The following TNS2 variants were observed in gnomAD, a reference collection of about 807,000 sequenced individuals.
TNS2 encodes tensin 2.
In TNS2, 77 loss-of-function variants were observed where a neutral mutation model predicts 155.7. The ratio of observed to expected loss-of-function variants is 0.49; its 90% confidence interval spans 0.41 to 0.60. The LOEUF is 0.60. Ranked by LOEUF, TNS2 falls within the 20% of genes least tolerant of loss-of-function variation. The pLI is 0.00. For synonymous variants in TNS2, 726 were observed against 763.9 expected, an observed-to-expected ratio of 0.95 and a Z score of 0.82; for missense variants, 1,703 against 1,868.8, an observed-to-expected ratio of 0.91 and a Z score of 1.64.
intron 22 of TNS2, 37 bp downstream of exon 22, chr12:53,061,977 AGTT>A: frequency 6.2e-7 from 1 of 1,608,990 alleles, no homozygotes; most frequent in South Asian, 1.1e-5. Flanking sequence ...GTGGGGATGA[AGTT>A]GGGGGTGGTG....
At chr12:53,058,876 CTG>C (rs1223312408) in intron 17 of TNS2, 49 bp downstream of exon 17, 2 of 1,598,808 alleles carry the variant, frequency 1.3e-6, no homozygotes, top group Non-Finnish European at 1.7e-6. Context: ...TGGCGGGACC[CTG>C]GGGGGTGGTG....
chr12:53,064,071 G>A lies in TNS2; in HGVS notation c.*189G>A. 3.1e-6 allele frequency: 2 copies of A among 643,878 alleles called. No homozygotes were observed. Among genetic ancestry groups the A allele is most frequent in the African/African-American group, 1.8e-5 (1 of 54,834 alleles). 39.9% of individuals were successfully genotyped at this position (643,878 alleles called of 1,614,324 possible). A position where few individuals can be genotyped will look rare whatever the true frequency, so the allele number is the denominator to read the frequency against. On this transcript the variant is annotated 3_prime_UTR_variant, in exon 29 of 29. Coordinates refer to ENST00000314250, the MANE Select transcript of TNS2 (RefSeq NM_170754.4). ...CCAGCCTGCTAAGTTAAGTGGACAG[G>A]CCCACAAGATGACCTTGCATGTGAG...
chr12:53,060,809 C>T lies in TNS2; in HGVS notation c.2903C>T (p.Pro968Leu), dbSNP rs889165245. 2 of 1,611,592 alleles carry T rather than the reference C, an allele frequency of 1.2e-6. No individual in the cohort carries two copies. The highest frequency in any genetic ancestry group is 1.7e-6 in the Non-Finnish European group (2 of 1,178,670). The change falls in exon 20 of 29, where the codon CCT (proline) becomes CTT (leucine). Residue 968 changes from proline (P) to leucine (L), a missense_variant. Physicochemically the swap from Pro to Leu is moderately conservative, Grantham distance 98. Coordinates refer to ENST00000314250, the MANE Select transcript of TNS2 (RefSeq NM_170754.4). This position sits in a 1 kb window ranked among gnomAD's most constrained non-coding sequence, Gnocchi z 6.1. ...PELPSGSGPE[P>L]LAPSPVSPTF... The stretch of plus-strand genomic sequence containing the variant: ...CTGCCGTCGGGAAGTGGGCCTGAGC[C>T]TCTGGCCCCTAGCCCAGTCTCTCCG...
At chr12:53,053,235 TG>T (rs142316251) in intron 3 of TNS2, 175 bp from the exon 4 acceptor site, 9,532 of 616,740 alleles carry the variant, frequency 0.015, 420 homozygotes, top group East Asian at 0.15. Flanking sequence ...GCCTGGGGGG[TG>T]GGGGACCAAG....
At chr12:53,057,186 A>C in intron 11 of TNS2, 90 bp downstream of exon 11, 1 of 1,370,658 alleles carries the variant, frequency 7.3e-7, no homozygotes, top group South Asian at 1.2e-5. Context: ...GCACACTTTC[A>C]CTGAGTGTGC....
intron 6 of TNS2, 28 bp downstream of exon 6, chr12:53,054,042 C>T: frequency 1.5e-5 from 25 of 1,613,878 alleles, no homozygotes; most frequent in Non-Finnish European, 2.1e-5. Flanking sequence ...GGTGGTCCCA[C>T]GTGACCCCCT....
chr12:53,059,594 A>G lies in TNS2; in HGVS notation c.1953A>G (p.Leu651=), dbSNP rs759621003. The change falls in exon 18 of 29, where the codon CTA becomes CTG. Residue 651 remains leucine, a synonymous_variant. Transcript: ENST00000314250. The surrounding 1 kb of genome is among the most constrained non-coding windows in gnomAD (Gnocchi z 4.7). ...TCTGCCGATCGCTGTCAGAGGGGCTATACCCCTACCCACCTGAGATGGGGA... is the reference window on the plus strand; with the variant it reads ...TCTGCCGATCGCTGTCAGAGGGGCTGTACCCCTACCCACCTGAGATGGGGA... ...RRLCRSLSEG[L]YPYPPEMGKP... is the part of the protein sequence containing the mutation. The G allele has an allele frequency of 2.5e-6, 4 of 1,610,922 alleles. No homozygotes were observed. The highest frequency in any genetic ancestry group is 2.2e-5 in the East Asian group (1 of 44,864).
chr12:53,063,557 C>T lies in TNS2; in HGVS notation c.4062-6C>T, dbSNP rs779234235. ...TGTGCATCTTCACCTTCTTCTCCTTCTGCAGATGGACCAACCCAGACGGGA... is the reference window on the plus strand; with the variant it reads ...TGTGCATCTTCACCTTCTTCTCCTTTTGCAGATGGACCAACCCAGACGGGA... On this transcript the variant is annotated splice_region_variant and splice_polypyrimidine_tract_variant and intron_variant, in intron 27 of 28. Transcript: ENST00000314250. The surrounding 1 kb of genome is among the most constrained non-coding windows in gnomAD (Gnocchi z 5.6). 5 of 1,609,184 alleles carry T rather than the reference C, an allele frequency of 3.1e-6. No individual in the cohort carries two copies. Among genetic ancestry groups the T allele is most frequent in the Middle Eastern group, 1.7e-4 (1 of 6,058 alleles).
intron 7 of TNS2, 46 bp downstream of exon 7, chr12:53,054,487 G>A: frequency 6.5e-7 from 1 of 1,529,750 alleles, no homozygotes; most frequent in Non-Finnish European, 8.8e-7. Context: ...AGGGATGTAG[G>A]GTCCAGATGG....
At chr12:53,049,913 C>T, upstream of TNS2, 1 of 741,416 alleles carries the variant, frequency 1.3e-6, no homozygotes, top group Non-Finnish European at 2.0e-6. Flanking sequence ...CAAAAGATCA[C>T]AGGCTGACAC....
At chr12:53,056,095 C>G (rs1170409945) in intron 10 of TNS2, 3 of 413,836 alleles carry the variant, frequency 7.2e-6, no homozygotes, top group Non-Finnish European at 1.3e-5. Context: ...TTGGCTCACG[C>G]CTGTAATACC....
rs1201838004 is a variant in TNS2 at position 53,063,491 on chromosome 12, AGCCCCG to A, written c.4062-60_4062-55del. The stretch of plus-strand genomic sequence containing the variant: ...GGTCCCAGCTCCCAGCCCCAGCCCC[AGCCCCG>A]GCCCCGGCCCCCCTTCAGCAGCTGT... On this transcript the variant is annotated intron_variant, in intron 27 of 28. Coordinates refer to ENST00000314250, the MANE Select transcript of TNS2 (RefSeq NM_170754.4). The surrounding 1 kb of genome is among the most constrained non-coding windows in gnomAD (Gnocchi z 5.6). 87 of 815,934 alleles carry A rather than the reference AGCCCCG, an allele frequency of 1.1e-4. No homozygotes were observed. In the African/African-American group the frequency reaches 1.4e-3, roughly 13 times the overall value. 50.5% of individuals were successfully genotyped at this position (815,934 alleles called of 1,614,324 possible).
upstream of TNS2, chr12:53,049,285 G>C: frequency 6.4e-7 from 1 of 1,570,824 alleles, no homozygotes; most frequent in Non-Finnish European, 8.7e-7. Flanking sequence ...CGGGGGGAGG[G>C]TGCAGCCCTT....
At position 53,062,247 on chromosome 12, in the gene TNS2, TG is replaced by T. The variant is rs1443710983; in HGVS notation, c.3667+3del. The stretch of plus-strand genomic sequence containing the variant: ...GCTGCCCCAGTGAGCCCTACTTTGG[TG>T]AGAAGCAGGAGCCTGGGGAAGGCTA... On this transcript the variant is annotated splice_donor_region_variant and intron_variant, in intron 23 of 28. Transcript: ENST00000314250. 4 of 1,613,680 alleles carry T rather than the reference TG, an allele frequency of 2.5e-6. No homozygotes were observed. The highest frequency in any genetic ancestry group is 8.5e-7 in the Non-Finnish European group (1 of 1,179,884).
At chr12:53,052,157 G>A in intron 2 of TNS2, 194 bp downstream of exon 2, 1 of 609,072 alleles carries the variant, frequency 1.6e-6, no homozygotes, top group Non-Finnish European at 2.9e-6. Context: ...CATAACCCAG[G>A]AGAGCCAGTA....
rs1343871547 is a variant in TNS2, at chr12:53,055,604, C to T, written c.610C>T (p.Pro204Ser). The T allele has an allele frequency of 6.2e-7, 1 of 1,613,114 alleles. No individual in the cohort carries two copies. The highest frequency in any genetic ancestry group is 1.7e-5 in the Admixed American group (1 of 60,002). The change falls in exon 9 of 29, where the codon CCC becomes TCC. Residue 204 changes from proline (P) to serine (S), a missense_variant. Transcript: ENST00000314250. ...CGGCTGGCCTGAGCTGCATGCTCCACCCCTGGACAAGCTGTGCTCCATCTG... is the reference window on the plus strand; with the variant it reads ...CGGCTGGCCTGAGCTGCATGCTCCATCCCTGGACAAGCTGTGCTCCATCTG... Reference protein sequence around the residue: ...DFGWPELHAPPLDKLCSICKA... With the variant: ...DFGWPELHAPSLDKLCSICKA...
At chr12:53,056,780 G>A (rs1246164202) in intron 10 of TNS2, among the ~76,000 whole-genome samples, 1 of 152,180 alleles carries the variant, frequency 6.6e-6, no homozygotes, top group Non-Finnish European at 1.5e-5. Context: ...CCCATAAGAT[G>A]GTTTTGTTGC....
At chr12:53,054,221 C>T in intron 6 of TNS2, 49 bp from the exon 7 acceptor site, 1 of 1,609,198 alleles carries the variant, frequency 6.2e-7, no homozygotes, top group Non-Finnish European at 8.5e-7. Flanking sequence ...ACACTAGCCA[C>T]CTCCGGGTGC....
chr12:53,049,056 C>G (rs551729467), upstream of TNS2: 14 of 947,150 alleles, frequency 1.5e-5, no homozygotes, highest in African/African-American at 2.3e-4. Context: ...GAAGATTACT[C>G]CCCCTTTTTC....
Sources: gnomAD v4.1 joint callset for allele counts (sites outside exome capture counted in the v4.1 genomes callset) on GRCh38, gnomAD v4.1.1 for gene constraint, Gnocchi (gnomAD v3.1) non-coding constraint, MANE v1.5 for transcripts, NCBI Gene and HGNC (gene_info 2026-07-23, HGNC 2026-07-21) for gene names.